Variants in FBXL13 observed in about 807,000 individuals in gnomAD.
FBXL13 encodes F-box and leucine-rich repeat protein 13.
A neutral mutation model predicts 83.6 loss-of-function variants in FBXL13; 67 were observed. That is an observed-to-expected ratio of 0.80 (90% confidence interval 0.66 to 0.98). FBXL13 has a LOEUF of 0.98. Among genes scored for constraint, FBXL13 ranks in the 50% least tolerant of loss-of-function variants. FBXL13 has a pLI of 0.00. For synonymous variants in FBXL13, 272 were observed against 299.5 expected (o/e 0.91, Z 0.95); for missense variants, 822 against 866.5 (o/e 0.95, Z 0.64).
At chr7:102,909,088 G>A (rs77948292) in intron 11 of FBXL13, among the ~76,000 whole-genome samples, 7,225 of 152,250 alleles carry the variant, frequency 0.047, 262 homozygotes, top group South Asian at 0.13. Context: ...ATTGCACTGC[G>A]GCTGAGCTGG....
At chr7:102,892,298 A>G (rs1435414431) in intron 11 of FBXL13, among the ~76,000 whole-genome samples, 1 of 152,204 alleles carries the variant, frequency 6.6e-6, no homozygotes, top group Non-Finnish European at 1.5e-5. Flanking sequence ...TTTTGCCTAC[A>G]AAGAGATTAT....
At chr7:102,926,717 G>A (rs112879389) in intron 9 of FBXL13, among the ~76,000 whole-genome samples, 2,295 of 152,106 alleles carry the variant, frequency 0.015, 47 homozygotes, top group African/African-American at 0.053. Context: ...TTCATATGCA[G>A]GAAAGCAATT....
chr7:103,055,587 T>C (rs1797254135), intron 2 of FBXL13, 57 bp downstream of exon 2: 1 of 783,442 alleles, frequency 1.3e-6, no homozygotes, highest in African/African-American at 1.8e-5. Context: ...TACTATGCAA[T>C]AAAAGTTTTC....
chr7:102,912,693 A>AC (rs1814982784), intron 11 of FBXL13, among the ~76,000 whole-genome samples: 1 of 130,896 alleles, frequency 7.6e-6, no homozygotes, highest in African/African-American at 2.9e-5. Context: ...CCAAAAAAAA[A>AC]CCCATGTGGG....
intron 10 of FBXL13, among the ~76,000 whole-genome samples, chr7:102,924,383 A>G (rs847656): frequency 0.76 from 116,081 of 152,092 alleles, 45,040 homozygotes; most frequent in Middle Eastern, 0.83. Context: ...GATTGATTAT[A>G]TATTTAAGTA....
At chr7:102,818,952 C>T (rs777232695) in intron 19 of FBXL13, among the ~76,000 whole-genome samples, 20 of 152,142 alleles carry the variant, frequency 1.3e-4, no homozygotes, top group African/African-American at 2.4e-5. Flanking sequence ...TCCCTCCTCC[C>T]ACCCTCCACC....
intron 8 of FBXL13, among the ~76,000 whole-genome samples, chr7:102,955,162 T>C (rs1451707839): frequency 6.6e-6 from 1 of 152,112 alleles, no homozygotes; most frequent in Non-Finnish European, 1.5e-5. Context: ...CCTCAGCAAA[T>C]GTAAAACAAC....
At chr7:102,875,152 G>A (rs1339409306) in intron 16 of FBXL13, among the ~76,000 whole-genome samples, 2 of 152,104 alleles carry the variant, frequency 1.3e-5, no homozygotes, top group African/African-American at 2.4e-5. Flanking sequence ...TCAGGAAAAG[G>A]TTCTTACAAA....
At position 102,870,060 on chromosome 7, in the gene FBXL13, A is replaced by G. The variant is rs1359752621; in HGVS notation, c.1635+7407T>C. Reference sequence around the variant, plus strand: ...TTTGGCTAGAAATACCTGAAACTAGATAGCCTTATAACACATACAATTAAA... The same window carrying G: ...TTTGGCTAGAAATACCTGAAACTAGGTAGCCTTATAACACATACAATTAAA... On this transcript the variant is annotated intron_variant, in intron 16 of 19. Transcript: ENST00000313221. Among the ~76,000 whole-genome samples the G allele has an allele frequency of 2.6e-5, 4 of 152,356 alleles. No individual in the cohort carries two copies. In the East Asian group the frequency reaches 7.7e-4, roughly 29 times the overall value.
At chr7:102,995,783 C>CTAAA (rs59828511) in intron 6 of FBXL13, among the ~76,000 whole-genome samples, 54,959 of 142,398 alleles carry the variant, frequency 0.39, 10,923 homozygotes, top group East Asian at 0.55. Context: ...AAGACTCTGT[C>CTAAA]TAAATAAATA....
In FBXL13 at chr7:102,884,369, A is replaced by G. The variant is rs1457006192; in HGVS notation, c.1009-57T>C. The G allele has an allele frequency of 3.1e-6, 4 of 1,298,142 alleles. No homozygotes were observed. The African/African-American group carries it at 5.8e-5, about 19-fold the overall frequency. The allele number at this position is 1,298,142 out of a possible 1,614,324, so 80.4% of individuals were successfully genotyped here. On this transcript the variant is annotated intron_variant, in intron 11 of 19. Coordinates refer to ENST00000313221, the Ensembl canonical transcript of FBXL13. ...AATGCATTAGCATGATAAAAATCCAAGGGAGTAATAACCAAAGATACACCA... is the reference window on the plus strand; with the variant it reads ...AATGCATTAGCATGATAAAAATCCAGGGGAGTAATAACCAAAGATACACCA...
chr7:102,933,892 T>C (rs748720441), intron 8 of FBXL13: 7 of 1,573,598 alleles, frequency 4.4e-6, no homozygotes, highest in African/African-American at 1.4e-5. Flanking sequence ...CACGAAGTAA[T>C]TGGGGCCAGC....
chr7:102,849,374 G>A (rs569660029), intron 17 of FBXL13, among the ~76,000 whole-genome samples: 16 of 152,322 alleles, frequency 1.1e-4, no homozygotes, highest in Non-Finnish European at 2.1e-4. Flanking sequence ...TGCGTGTGCT[G>A]TGGTTTCCAC....
chr7:103,057,539 C>G (rs888258977), intron 1 of FBXL13, among the ~76,000 whole-genome samples: 2 of 152,150 alleles, frequency 1.3e-5, no homozygotes, highest in African/African-American at 4.8e-5. Flanking sequence ...TTTAAGAACT[C>G]TTAAAAACAC....
chr7:102,844,546 G>A (rs1053475194), intron 17 of FBXL13, among the ~76,000 whole-genome samples: 3 of 152,114 alleles, frequency 2.0e-5, no homozygotes, highest in Non-Finnish European at 4.4e-5. Flanking sequence ...GAGCTTAGAG[G>A]AAACACAGAC....
chr7:102,852,148 G>A (rs1218509291), intron 17 of FBXL13, among the ~76,000 whole-genome samples: 1 of 152,048 alleles, frequency 6.6e-6, no homozygotes, highest in Non-Finnish European at 1.5e-5. Context: ...TGTTTATTTT[G>A]AATCTGACAT....
chr7:102,920,525 T>C (rs1816770986), intron 10 of FBXL13, among the ~76,000 whole-genome samples: 3 of 151,958 alleles, frequency 2.0e-5, no homozygotes, highest in Admixed American at 1.3e-4. Flanking sequence ...AATTTTTGTA[T>C]TTTTTTGTAG....
chr7:102,867,021 C>G (rs1584699220), intron 16 of FBXL13, among the ~76,000 whole-genome samples: 2 of 152,184 alleles, frequency 1.3e-5, no homozygotes, highest in Middle Eastern at 3.4e-3. Context: ...CTAAGCCTGC[C>G]CAGAAATTCT....
intron 14 of FBXL13, among the ~76,000 whole-genome samples, chr7:102,881,235 C>T (rs1160519923): frequency 1.3e-5 from 2 of 151,896 alleles, no homozygotes; most frequent in African/African-American, 4.8e-5. Flanking sequence ...CACCTGAGGT[C>T]AGGAGTTCAA....
Sources: gnomAD v4.1 joint callset for allele counts (sites outside exome capture counted in the v4.1 genomes callset) on GRCh38, gnomAD v4.1.1 for gene constraint, MANE v1.5 for transcripts, NCBI Gene and HGNC (gene_info 2026-07-23, HGNC 2026-07-21) for gene names.